Variants in GBF1 observed in about 807,000 individuals in gnomAD.
The protein encoded by GBF1 is golgi brefeldin A resistant guanine nucleotide exchange factor 1.
A neutral mutation model predicts 210.5 loss-of-function variants in GBF1; 114 were observed. That is an observed-to-expected ratio of 0.54 (90% CI 0.47 to 0.63). GBF1 has a LOEUF of 0.63. GBF1 is among the 30% of genes least tolerant of loss of function. The probability of loss-of-function intolerance (pLI) is 0.00; values close to 1 mark genes in which losing one functional copy is unlikely to be tolerated. For synonymous variants in GBF1, 850 were observed against 889.2 expected (o/e 0.96, Z 0.78); for missense variants, 1,851 against 2,357.7 (o/e 0.79, Z 4.45).
intron 3 of GBF1, among the ~76,000 whole-genome samples, chr10:102,260,778 A>C (rs140981943): frequency 1.3e-5 from 2 of 151,930 alleles, no homozygotes; most frequent in East Asian, 3.9e-4. Flanking sequence ...CGCCTGGCCT[A>C]TATTTTCTTT....
chr10:102,360,162 C>G, intron 11 of GBF1, 22 bp from the exon 12 acceptor site: 1 of 1,533,974 alleles, frequency 6.5e-7, no homozygotes, highest in Non-Finnish European at 9.0e-7. Flanking sequence ...AGCAGTCTCA[C>G]TCTCCTCCTG....
chr10:102,249,624 G>A (rs1216838675), intron 1 of GBF1, among the ~76,000 whole-genome samples: 1 of 151,754 alleles, frequency 6.6e-6, no homozygotes, highest in Non-Finnish European at 1.5e-5. Flanking sequence ...ATAAAGCACA[G>A]AACTATGATG....
the GBF1 span, chr10:102,230,941 A>G: frequency 6.2e-7 from 1 of 1,608,868 alleles, no homozygotes; most frequent in Non-Finnish European, 8.5e-7. Context: ...CGGCGGGGCA[A>G]GAGCCTTGGG....
the GBF1 span, chr10:102,231,796 G>A: frequency 6.3e-7 from 1 of 1,596,586 alleles, no homozygotes. Context: ...TGAGTCTGGG[G>A]GCCAGGGTGG....
chr10:102,335,069 C>T (rs2134391275), intron 3 of GBF1, among the ~76,000 whole-genome samples: 1 of 152,204 alleles, frequency 6.6e-6, no homozygotes, highest in African/African-American at 2.4e-5. Context: ...AAGGGCTTCA[C>T]TTTGCTTTGG....
chr10:102,347,285 G>A lies in GBF1; in HGVS notation c.295+3103G>A, dbSNP rs189303759. 2.6e-5 allele frequency among the ~76,000 whole-genome samples: 4 copies of A among 152,314 alleles called. No homozygotes were observed. The East Asian group carries it at 7.7e-4, about 29-fold the overall frequency. On this transcript the variant is annotated intron_variant, in intron 4 of 39. Coordinates refer to ENST00000369983, the MANE Select transcript of GBF1 (RefSeq NM_001377137.1). ...GCTGATGCATTCAGGATCCTGAGCA[G>A]GAATCCTGGGTACCAACTAGCTTCT...
intron 3 of GBF1, among the ~76,000 whole-genome samples, chr10:102,319,043 C>T (rs1352846665): frequency 3.3e-5 from 5 of 152,084 alleles, no homozygotes; most frequent in East Asian, 1.9e-4. Context: ...GTAGGCTGGG[C>T]GCAGTGGCTC....
intron 1 of GBF1, among the ~76,000 whole-genome samples, chr10:102,249,798 T>C (rs1357363120): frequency 6.6e-6 from 1 of 151,780 alleles, no homozygotes; most frequent in Non-Finnish European, 1.5e-5. Flanking sequence ...TTCAAGCAAT[T>C]CTCCTGCCTT....
chr10:102,363,136 A>G lies in GBF1; in HGVS notation c.1877-120A>G, dbSNP rs1291135603. 1.4e-5 allele frequency: 12 copies of G among 861,422 alleles called. No individual in the cohort carries two copies. The highest frequency in any genetic ancestry group is 1.8e-5 in the Non-Finnish European group (10 of 571,258). 53.4% of individuals were successfully genotyped at this position (861,422 alleles called of 1,614,324 possible). On this transcript the variant is annotated intron_variant, in intron 15 of 39. Transcript: ENST00000369983. The surrounding 1 kb of genome is among the most constrained non-coding windows in gnomAD (Gnocchi z 4.2). ...ATTTTGGCTTGGGTTTGTCCTGCTC[A>G]GGGCTGGCGCCCTGTGCAGGAACCA... is the stretch of plus-strand genomic sequence containing the variant.
At chr10:102,250,609 A>G (rs1309882616) in intron 1 of GBF1, among the ~76,000 whole-genome samples, 1 of 151,138 alleles carries the variant, frequency 6.6e-6, no homozygotes, top group Non-Finnish European at 1.5e-5. Context: ...TTGGCCTCCT[A>G]AAGTGCTGGG....
At chr10:102,350,661 G>A (rs1358482472) in intron 4 of GBF1, among the ~76,000 whole-genome samples, 1 of 152,000 alleles carries the variant, frequency 6.6e-6, no homozygotes, top group East Asian at 1.9e-4. Context: ...AACTTCAACT[G>A]GGGTCTTGTT....
At chr10:102,372,943 C>CA (rs1186722833) in intron 29 of GBF1, among the ~76,000 whole-genome samples, 1 of 151,696 alleles carries the variant, frequency 6.6e-6, no homozygotes, top group Non-Finnish European at 1.5e-5. Context: ...GACTCTCTTT[C>CA]AAAAAAAGTA....
At chr10:102,311,552 C>T (rs112115305) in intron 3 of GBF1, among the ~76,000 whole-genome samples, 75 of 152,318 alleles carry the variant, frequency 4.9e-4, no homozygotes, top group African/African-American at 1.8e-3. Flanking sequence ...AGAAGCAAGG[C>T]CAGGGTGTCT....
In GBF1 at chr10:102,369,741, A is replaced by T. The variant is rs778282357; in HGVS notation, c.3181A>T (p.Ile1061Phe). The T allele has an allele frequency of 6.2e-7, 1 of 1,614,148 alleles. No individual in the cohort carries two copies. Among genetic ancestry groups the T allele is most frequent in the South Asian group, 1.1e-5 (1 of 91,078 alleles). ...VEDFVDPNGK[I>F]SLQREETPSN... is the part of the protein sequence containing the mutation. Reference sequence around the variant, plus strand: ...AGATTTCGTGGATCCCAATGGCAAGATCTCTCTACAGCGGGAAGAGACACC... The same window carrying T: ...AGATTTCGTGGATCCCAATGGCAAGTTCTCTCTACAGCGGGAAGAGACACC... The change falls in exon 25 of 40, where the codon ATC (isoleucine) becomes TTC (phenylalanine). Residue 1061 changes from isoleucine (I) to phenylalanine (F), a missense_variant. By Grantham distance (21) the Ile-to-Phe change is conservative. Around this residue, in one of 3 missense-constraint regions of GBF1, gnomAD observed 967 missense variants for 1,247.7 expected, o/e 0.78. Coordinates refer to ENST00000369983, the MANE Select transcript of GBF1 (RefSeq NM_001377137.1).
Position 102,365,534 on chromosome 10 carries a change from C to T in GBF1, c.2244C>T (p.Asp748=), listed in dbSNP as rs201356370. 1.9e-5 allele frequency: 30 copies of T among 1,614,116 alleles called. No homozygotes were observed. The highest frequency in any genetic ancestry group is 2.5e-5 in the Non-Finnish European group (30 of 1,180,022). ...GGCTCCGAGAGAACCCTCGGCTGGA[C>T]AAGAAGATGATTGGAGAGTTTGTGA... ...AQWLRENPRL[D]KKMIGEFVSD... is the part of the protein sequence containing the mutation. The change falls in exon 18 of 40, where the codon GAC becomes GAT. Residue 748 remains aspartate (D), a synonymous_variant. Coordinates refer to ENST00000369983, the MANE Select transcript of GBF1 (RefSeq NM_001377137.1).
intron 3 of GBF1, among the ~76,000 whole-genome samples, chr10:102,306,577 C>G (rs866224941): frequency 1.3e-5 from 2 of 152,188 alleles, no homozygotes; most frequent in Non-Finnish European, 2.9e-5. Context: ...GCGCCTGACA[C>G]CAAGCCTGGC....
intron 3 of GBF1, among the ~76,000 whole-genome samples, chr10:102,340,986 C>G (rs2058145076): frequency 6.6e-6 from 1 of 152,130 alleles, no homozygotes; most frequent in Non-Finnish European, 1.5e-5. Context: ...GTAAAAGTGT[C>G]TGTTCTATGA....
At chr10:102,302,986 C>CTT (rs1210930617) in intron 3 of GBF1, among the ~76,000 whole-genome samples, 176 of 125,034 alleles carry the variant, frequency 1.4e-3, no homozygotes, top group Middle Eastern at 4.4e-3. Context: ...CCATTTTAAG[C>CTT]TTTTTTTTTT....
intron 3 of GBF1, among the ~76,000 whole-genome samples, chr10:102,339,388 A>C (rs916677075): frequency 8.0e-5 from 12 of 150,110 alleles, no homozygotes; most frequent in African/African-American, 3.0e-4. Flanking sequence ...ATATATCGGC[A>C]GGGCACAGTG....
Sources: gnomAD v4.1 joint callset for allele counts (sites outside exome capture counted in the v4.1 genomes callset) on GRCh38, gnomAD v4.1.1 for gene constraint, gnomAD v4.1.1 regional missense constraint, Gnocchi (gnomAD v3.1) non-coding constraint, MANE v1.5 for transcripts, NCBI Gene and HGNC (gene_info 2026-07-23, HGNC 2026-07-21) for gene names.